The following SLC9C1 variants were observed in gnomAD, a reference collection of about 807,000 sequenced individuals.
The protein encoded by SLC9C1 is sodium/hydrogen exchanger 10.
In SLC9C1, 97 loss-of-function variants were observed where a neutral mutation model predicts 140.9. That is an observed-to-expected ratio of 0.69 (90% CI 0.58 to 0.82). SLC9C1 has a LOEUF of 0.82. Ranked by LOEUF, SLC9C1 falls within the 40% of genes least tolerant of loss-of-function variation. SLC9C1 has a pLI of 0.00. For synonymous variants in SLC9C1, 440 were observed against 442.6 expected (o/e 0.99, Z 0.07); for missense variants, 1,340 against 1,389.3 (o/e 0.96, Z 0.56).
chr3:112,204,468 A>G (rs1231954328), intron 16 of SLC9C1, 65 bp from the exon 17 acceptor site: 51 of 1,483,768 alleles, frequency 3.4e-5, no homozygotes, highest in Non-Finnish European at 4.2e-5. Context: ...CATTTTCCAC[A>G]ATAATTTAAA....
chr3:112,262,382 A>C (rs1002193356), intron 10 of SLC9C1, among the ~76,000 whole-genome samples: 2 of 151,994 alleles, frequency 1.3e-5, no homozygotes, highest in African/African-American at 4.8e-5. Flanking sequence ...TTAAAAAAAA[A>C]AACCCAGATG....
chr3:112,264,162 A>G lies in SLC9C1; in HGVS notation c.1022+38T>C, dbSNP rs143247435. 1.5e-3 allele frequency: 1,329 copies of G among 911,592 alleles called. 25 individuals are homozygous for G. The East Asian group carries it at 0.038, about 26-fold the overall frequency. 56.5% of individuals were successfully genotyped at this position (911,592 alleles called of 1,614,324 possible). On this transcript the variant is annotated intron_variant, in intron 9 of 28. Transcript: ENST00000305815. ...AAAAGATGACCTTCAAACTTACTCA[A>G]TTATCTATAAATAGAAAAATTTTAA...
rs186896969 is a variant in SLC9C1 at position 112,168,200 on chromosome 3, G to A, written c.3237+677C>T. Among the ~76,000 whole-genome samples, 320 of 151,980 alleles carry A rather than the reference G, an allele frequency of 2.1e-3. 8 individuals carry two copies. The highest frequency in any genetic ancestry group is 5.4e-4 in the Non-Finnish European group (37 of 67,984). ...TTTTATCATTTCAATATATAGCACT[G>A]TATTCCAGCATATTTTAAATAACTC... is the stretch of plus-strand genomic sequence containing the variant. On this transcript the variant is annotated intron_variant, in intron 25 of 28. Transcript: ENST00000305815.
At chr3:112,214,343 A>G (rs961577318) in intron 15 of SLC9C1, among the ~76,000 whole-genome samples, 1 of 152,210 alleles carries the variant, frequency 6.6e-6, no homozygotes, top group African/African-American at 2.4e-5. Context: ...GCAGAAGGCA[A>G]GAAATAACTA....
intron 20 of SLC9C1, among the ~76,000 whole-genome samples, chr3:112,198,528 A>G (rs968633349): frequency 2.6e-5 from 4 of 151,982 alleles, no homozygotes; most frequent in Admixed American, 6.6e-5. Flanking sequence ...ATGTTTTGCT[A>G]TCTAACACAA....
chr3:112,185,994 C>A (rs1215109012), intron 20 of SLC9C1: 2 of 1,544,420 alleles, frequency 1.3e-6, no homozygotes, highest in African/African-American at 2.7e-5. Flanking sequence ...GACCCAGGCC[C>A]CGCGGTATTT....
At chr3:112,212,551 T>G (rs6762302) in intron 15 of SLC9C1, among the ~76,000 whole-genome samples, 1 of 151,954 alleles carries the variant, frequency 6.6e-6, no homozygotes, top group Non-Finnish European at 1.5e-5. Context: ...AAGAACTACA[T>G]GATGAATGCA....
chr3:112,169,183 C>T lies in SLC9C1; in HGVS notation c.3051+14G>A. The T allele has an allele frequency of 2.5e-6, 4 of 1,605,090 alleles. No individual in the cohort carries two copies. The highest frequency in any genetic ancestry group is 3.4e-6 in the Non-Finnish European group (4 of 1,177,186). On this transcript the variant is annotated intron_variant, in intron 24 of 28. Transcript: ENST00000305815. The stretch of plus-strand genomic sequence containing the variant: ...TCAAAGAAAGAAAGACAAGTTTATA[C>T]AAGCACTTCCTACCTCATAAGATAA...
chr3:112,220,557 G>C (rs180735925), intron 14 of SLC9C1, among the ~76,000 whole-genome samples: 1 of 152,366 alleles, frequency 6.6e-6, no homozygotes, highest in Non-Finnish European at 1.5e-5. Flanking sequence ...TTGCACTGCA[G>C]TTTAACCCCC....
intron 8 of SLC9C1, among the ~76,000 whole-genome samples, chr3:112,266,029 T>G (rs2079909116): frequency 6.6e-6 from 1 of 152,052 alleles, no homozygotes; most frequent in African/African-American, 2.4e-5. Flanking sequence ...AGAACCAACA[T>G]GAACTCAAGG....
At chr3:112,185,091 G>A (rs1175529672) in intron 20 of SLC9C1, among the ~76,000 whole-genome samples, 1 of 152,012 alleles carries the variant, frequency 6.6e-6, no homozygotes, top group African/African-American at 2.4e-5. Flanking sequence ...AGGGCCAGGG[G>A]CAGTTCCCCA....
At chr3:112,209,715 T>A (rs1210102682) in intron 15 of SLC9C1, among the ~76,000 whole-genome samples, 1 of 151,972 alleles carries the variant, frequency 6.6e-6, no homozygotes, top group Non-Finnish European at 1.5e-5. Context: ...GATCTGAAAA[T>A]GAAATTATGA....
In SLC9C1 at chr3:112,202,379, C is replaced by T. The variant is rs2077927901; in HGVS notation, c.2193G>A (p.Leu731=). The change falls in exon 18 of 29, where the codon CTG becomes CTA. Residue 731 remains leucine, a synonymous_variant. Coordinates refer to ENST00000305815, the MANE Select transcript of SLC9C1 (RefSeq NM_183061.3). ...GACTCATTCTTTTATCTATTATTTGCAGCAACTTTGGTGCTATGAGCTGAA... is the reference window on the plus strand; with the variant it reads ...GACTCATTCTTTTATCTATTATTTGTAGCAACTTTGGTGCTATGAGCTGAA... ...RIFKLIAPKL[L]QIIDKRMSHQ... is the part of the protein sequence containing the mutation. The T allele has an allele frequency of 1.3e-6, 2 of 1,599,490 alleles. No homozygotes were observed. Among genetic ancestry groups the T allele is most frequent in the African/African-American group, 1.3e-5 (1 of 74,634 alleles).
intron 15 of SLC9C1, among the ~76,000 whole-genome samples, chr3:112,210,683 T>C (rs1327849578): frequency 6.6e-6 from 1 of 152,232 alleles, no homozygotes; most frequent in Admixed American, 6.5e-5. Flanking sequence ...ATACTATTCC[T>C]ATCCTTTTTA....
At chr3:112,146,447 T>G (rs2074798342) in intron 28 of SLC9C1, among the ~76,000 whole-genome samples, 1 of 152,212 alleles carries the variant, frequency 6.6e-6, no homozygotes, top group Non-Finnish European at 1.5e-5. Flanking sequence ...GGTAGGCATT[T>G]AGTGTTATAA....
At chr3:112,151,116 G>A (rs982647945) in intron 28 of SLC9C1, among the ~76,000 whole-genome samples, 36 of 152,094 alleles carry the variant, frequency 2.4e-4, no homozygotes, top group Admixed American at 1.5e-3. Flanking sequence ...GATTACAGGC[G>A]TGAGCCACCG....
intron 26 of SLC9C1, among the ~76,000 whole-genome samples, chr3:112,162,439 C>T (rs1261018487): frequency 7.2e-5 from 11 of 152,030 alleles, no homozygotes; most frequent in South Asian, 4.1e-4. Context: ...TTTTGAAATA[C>T]GTCCCATCAA....
chr3:112,155,333 T>G (rs2075099695), intron 26 of SLC9C1, among the ~76,000 whole-genome samples: 1 of 152,164 alleles, frequency 6.6e-6, no homozygotes, highest in South Asian at 2.1e-4. Flanking sequence ...TTAATATGTA[T>G]TGAGGGCCAG....
At chr3:112,168,689 A>G (rs2077186908) in intron 25 of SLC9C1, among the ~76,000 whole-genome samples, 188 bp downstream of exon 25, 1 of 152,182 alleles carries the variant, frequency 6.6e-6, no homozygotes, top group African/African-American at 2.4e-5. Context: ...AAAGCAGTCA[A>G]TGAACTTGGT....
Sources: allele counts gnomAD v4.1 joint callset (sites outside exome capture counted in the v4.1 genomes callset), GRCh38; gene constraint gnomAD v4.1.1; transcripts MANE v1.5; gene names NCBI Gene and HGNC (gene_info 2026-07-23, HGNC 2026-07-21).